Variants in ADGRL1 observed in about 807,000 individuals in gnomAD.
The protein encoded by ADGRL1 is CIRL-1.
In ADGRL1, 31 loss-of-function variants were observed where a neutral mutation model predicts 148.9. The observed-to-expected ratio is 0.21, with a 90% CI of 0.16 to 0.28. ADGRL1 has a LOEUF of 0.28. Among genes scored for constraint, ADGRL1 ranks in the 10% least tolerant of loss-of-function variants. ADGRL1 has a pLI of 1.00. For missense variants in ADGRL1, 1,521 were observed against 2,058.8 expected, an observed-to-expected ratio of 0.74 and a Z score of 5.05; for synonymous variants, 937 against 900.3, an observed-to-expected ratio of 1.04 and a Z score of -0.73.
At chr19:14,172,991 GCT>G (rs1322300323) in intron 3 of ADGRL1, among the ~76,000 whole-genome samples, 5 of 151,982 alleles carry the variant, frequency 3.3e-5, no homozygotes, top group African/African-American at 1.2e-4. Flanking sequence ...ACAGGGTCCC[GCT>G]CTGTCACCGA....
In ADGRL1 at chr19:14,151,246, G is replaced by A. The variant is rs762308417; in HGVS notation, c.4037C>T (p.Ser1346Leu). Residue 1346 changes from serine (S) to leucine (L), a missense_variant, in exon 23 of 23, where the codon TCG becomes TTG. Ser to Leu is a moderately radical substitution (Grantham distance 145). Coordinates refer to ENST00000361434, the MANE Select transcript of ADGRL1 (RefSeq NM_014921.5). ...EEPLLLPRAQ[S>L]VLYQSDLDES... is the part of the protein sequence containing the mutation. The stretch of plus-strand genomic sequence containing the variant: ...GTCCAGATCGCTCTGGTACAGCACC[G>A]ACTGGGCCCGGGGCAGCAGCAGAGG... 6.8e-6 allele frequency: 11 copies of A among 1,611,980 alleles called. No homozygotes were observed. The highest frequency in any genetic ancestry group is 3.3e-5 in the South Asian group (3 of 91,078).
rs746175235 is a variant in ADGRL1 at position 14,158,352 on chromosome 19, C to T, written c.2350G>A (p.Val784Met). Residue 784 changes from valine (V) to methionine (M), a missense_variant, in exon 12 of 23, where the codon GTG (valine) becomes ATG (methionine). Val to Met is a conservative substitution (Grantham distance 21). This residue lies in a region of ADGRL1 where 265 missense variants were observed against 431.9 expected (regional missense o/e 0.61). Transcript: ENST00000361434. ...GCTCAGCTCACCTCCAGGTGGGCCA[C>T]GGTGAAGATGACAGGGTCCATGAGG... is the stretch of plus-strand genomic sequence containing the variant. ...VFLMDPVIFT[V>M]AHLEDKNHFN... 1.5e-5 allele frequency: 25 copies of T among 1,613,424 alleles called. No individual in the cohort carries two copies. Among genetic ancestry groups the T allele is most frequent in the South Asian group, 2.2e-5 (2 of 91,084 alleles).
rs2144716917 is a variant in ADGRL1, at chr19:14,160,365, TC to T, written c.1615-69del. 6.9e-7 allele frequency: 1 copy of T among 1,441,564 alleles called. No individual in the cohort carries two copies. Among genetic ancestry groups the T allele is most frequent in the East Asian group, 2.3e-5 (1 of 43,288 alleles). 89.3% of individuals were successfully genotyped at this position (1,441,564 alleles called of 1,614,324 possible). On this transcript the variant is annotated intron_variant, in intron 7 of 22. Transcript: ENST00000361434. This position sits in a 1 kb window ranked among gnomAD's most constrained non-coding sequence, Gnocchi z 5.9. ...AGGGACCATCCTGCCCTCCCCGGCT[TC>T]CCTGGCCTGTGCAGCCTCTCCTATC...
chr19:14,196,492 C>T (rs1371675755), intron 1 of ADGRL1, among the ~76,000 whole-genome samples: 1 of 152,136 alleles, frequency 6.6e-6, no homozygotes, highest in African/African-American at 2.4e-5. Context: ...TAGTGGCACA[C>T]GCCTGTGATC....
chr19:14,151,220 C>A lies in ADGRL1; in HGVS notation c.4063G>T (p.Glu1355Ter). 6.2e-7 allele frequency: 1 copy of A among 1,611,912 alleles called. No individual in the cohort carries two copies. Among genetic ancestry groups the A allele is most frequent in the Non-Finnish European group, 8.5e-7 (1 of 1,179,684 alleles). ...QSVLYQSDLD[E>*]SESCTAEDGA... ...TCCTCGGCCGTGCAGCTCTCCGACT[C>A]GTCCAGATCGCTCTGGTACAGCACC... Residue 1355 changes from glutamate (E) to a stop codon, truncating the protein, a stop_gained, in exon 23 of 23, where the codon GAG becomes TAG. Transcript: ENST00000361434. LOFTEE classifies it high-confidence loss of function.
intron 1 of ADGRL1, among the ~76,000 whole-genome samples, chr19:14,193,979 C>T (rs1426763144): frequency 1.3e-5 from 2 of 152,074 alleles, no homozygotes; most frequent in Non-Finnish European, 2.9e-5. Flanking sequence ...CAGTGGCTCA[C>T]GCCTGTAATC....
chr19:14,175,298 CTCAG>C (rs893695581), intron 3 of ADGRL1, among the ~76,000 whole-genome samples: 23 of 152,126 alleles, frequency 1.5e-4, no homozygotes, highest in East Asian at 1.9e-4. Flanking sequence ...CAAATACACT[CTCAG>C]TCAACCACAC....
chr19:14,194,193 T>C lies in ADGRL1; in HGVS notation c.-95-10496A>G, dbSNP rs150175322. On this transcript the variant is annotated intron_variant, in intron 1 of 22. Coordinates refer to ENST00000361434, the MANE Select transcript of ADGRL1 (RefSeq NM_014921.5). ...CACCAGTACACTTCAGCCTGGGCAATAGAGCAAGACCTCATCTCTGAAACA... is the reference window on the plus strand; with the variant it reads ...CACCAGTACACTTCAGCCTGGGCAACAGAGCAAGACCTCATCTCTGAAACA... 4.4e-3 allele frequency among the ~76,000 whole-genome samples: 669 copies of C among 152,228 alleles called. 3 individuals carry two copies. Among genetic ancestry groups the C allele is most frequent in the Non-Finnish European group, 5.7e-3 (388 of 67,994 alleles).
At chr19:14,184,057 T>C (rs1462454323) in intron 1 of ADGRL1, among the ~76,000 whole-genome samples, 6 of 152,268 alleles carry the variant, frequency 3.9e-5, no homozygotes, top group South Asian at 4.1e-4. Flanking sequence ...ATCCTCACCA[T>C]GAGCAAGGAG....
intron 1 of ADGRL1, among the ~76,000 whole-genome samples, chr19:14,204,844 G>A (rs912485515): frequency 2.6e-5 from 4 of 152,076 alleles, no homozygotes; most frequent in Admixed American, 1.3e-4. Context: ...TGGGATGTGG[G>A]AAGACAGACC....
At chr19:14,197,586 A>C (rs1037143197) in intron 1 of ADGRL1, among the ~76,000 whole-genome samples, 1 of 151,968 alleles carries the variant, frequency 6.6e-6, no homozygotes, top group African/African-American at 2.4e-5. Context: ...TCTCTCTCTC[A>C]CACACAGTTC....
chr19:14,150,515 A>C lies in ADGRL1; in HGVS notation c.*358T>G. 4.4e-6 allele frequency: 1 copy of C among 229,636 alleles called. No homozygotes were observed. The highest frequency in any genetic ancestry group is 8.6e-6 in the Non-Finnish European group (1 of 116,862). The allele number at this position is 229,636 out of a possible 1,614,324, so 14.2% of individuals were successfully genotyped here. A position where few individuals can be genotyped will look rare whatever the true frequency, so the allele number is the denominator to read the frequency against. ...GCTGCCCCTCCCTGCCCAGGAAACTAAAGCCCTCATTTCCCTTCACAGGGT... is the reference window on the plus strand; with the variant it reads ...GCTGCCCCTCCCTGCCCAGGAAACTCAAGCCCTCATTTCCCTTCACAGGGT... On this transcript the variant is annotated 3_prime_UTR_variant, in exon 23 of 23. Transcript: ENST00000361434.
chr19:14,204,674 GAGAGAAAGACAGAGAGAGAT>G (rs1165624104), intron 1 of ADGRL1, among the ~76,000 whole-genome samples: 4 of 151,080 alleles, frequency 2.6e-5, no homozygotes, highest in Admixed American at 2.0e-4. Context: ...GAGAGGGGAA[GAGAGAAAGACAGAGAGAGAT>G]AGAGAAAGAC....
intron 4 of ADGRL1, among the ~76,000 whole-genome samples, chr19:14,166,308 C>G (rs1340531295): frequency 6.6e-6 from 1 of 151,726 alleles, no homozygotes; most frequent in Non-Finnish European, 1.5e-5. Flanking sequence ...TGACACCCCT[C>G]CCCAGGGCTG....
Position 14,161,520 on chromosome 19 carries a change from G to A in ADGRL1, c.1302C>T (p.Leu434=), listed in dbSNP as rs1872814547. The A allele has an allele frequency of 1.4e-6, 2 of 1,448,932 alleles. No individual in the cohort carries two copies. Among genetic ancestry groups the A allele is most frequent in the Non-Finnish European group, 1.8e-6 (2 of 1,100,138 alleles). 89.8% of individuals were successfully genotyped at this position (1,448,932 alleles called of 1,614,324 possible). A position where few individuals can be genotyped will look rare whatever the true frequency, so the allele number is the denominator to read the frequency against. Residue 434 remains leucine, a synonymous_variant, in exon 6 of 23, where the codon CTC becomes CTT. Transcript: ENST00000361434. This position sits in a 1 kb window ranked among gnomAD's most constrained non-coding sequence, Gnocchi z 4.4. ...AATTPLRRAP[L]TTHPVGAINQ... ...TGATGGCACCCACTGGGTGCGTGGT[G>A]AGGGGTGCCCGGCGGAGCGGGGTGG...
rs1319835407 is a variant in ADGRL1 at position 14,149,334 on chromosome 19, C to T, written c.*1539G>A. Reference sequence around the variant, plus strand: ...GGAGGATAGGGAAGGTGATCTCTCACCTTTGCCCCTCCCCATCCCCCAGAC... The same window carrying T: ...GGAGGATAGGGAAGGTGATCTCTCATCTTTGCCCCTCCCCATCCCCCAGAC... On this transcript the variant is annotated 3_prime_UTR_variant, in exon 23 of 23. Transcript: ENST00000361434. 6.6e-6 allele frequency: 1 copy of T among 152,542 alleles called. No individual in the cohort carries two copies. The highest frequency in any genetic ancestry group is 1.5e-5 in the Non-Finnish European group (1 of 68,164). 9.4% of individuals were successfully genotyped at this position (152,542 alleles called of 1,614,324 possible).
intron 1 of ADGRL1, among the ~76,000 whole-genome samples, chr19:14,197,694 C>T (rs1331199553): frequency 1.3e-5 from 2 of 152,176 alleles, no homozygotes; most frequent in African/African-American, 4.8e-5. Context: ...TGTTTTGCTC[C>T]CCTAACTGGA....
chr19:14,170,475 CAG>C (rs1268837035), intron 4 of ADGRL1: 3 of 507,676 alleles, frequency 5.9e-6, no homozygotes, highest in South Asian at 2.3e-5. Context: ...CAGGAGGGGA[CAG>C]AGTCTGTGAG....
Position 14,151,191 on chromosome 19 carries a change from G to A in ADGRL1, c.4092C>T (p.Gly1364=), listed in dbSNP as rs764887881. Residue 1364 remains glycine, a synonymous_variant, in exon 23 of 23, where the codon GGC becomes GGT. Transcript: ENST00000361434. ...GGGAGGAGAGGGGCCGGCTGGTGGC[G>A]CCGTCCTCGGCCGTGCAGCTCTCCG... ...DESESCTAED[G]ATSRPLSSPP... is the part of the protein sequence containing the mutation. The A allele has an allele frequency of 5.5e-5, 89 of 1,610,474 alleles. No individual in the cohort carries two copies. The highest frequency in any genetic ancestry group is 2.4e-4 in the South Asian group (22 of 90,962).
Sources: gnomAD v4.1 joint callset for allele counts (sites outside exome capture counted in the v4.1 genomes callset) on GRCh38, gnomAD v4.1.1 for gene constraint, gnomAD v4.1.1 regional missense constraint, Gnocchi (gnomAD v3.1) non-coding constraint, MANE v1.5 for transcripts, NCBI Gene and HGNC (gene_info 2026-07-23, HGNC 2026-07-21) for gene names.